Variants in IQSEC1 observed in about 807,000 individuals in gnomAD.
The protein encoded by IQSEC1 is IQ motif and Sec7 domain ArfGEF 1.
IQSEC1 carries 31 observed loss-of-function variants against 91.0 expected under a neutral mutation model. The ratio of observed to expected loss-of-function variants is 0.34; its 90% CI spans 0.26 to 0.46. The LOEUF (loss-of-function observed/expected upper bound fraction) is 0.46, where lower values mean the gene tolerates loss of function less well. Among genes scored for constraint, IQSEC1 ranks in the 20% least tolerant of loss-of-function variants. IQSEC1 has a pLI of 1.00. For missense variants in IQSEC1, 1,388 were observed against 1,575.6 expected, an observed-to-expected ratio of 0.88 and a Z score of 2.02; for synonymous variants, 699 against 662.6, an observed-to-expected ratio of 1.05 and a Z score of -0.84.
chr3:13,224,427 C>A (rs528796008), intron 1 of IQSEC1, among the ~76,000 whole-genome samples: 1 of 152,216 alleles, frequency 6.6e-6, no homozygotes, highest in East Asian at 1.9e-4. Context: ...CCAGCCCAGG[C>A]AGGGACCGCC....
chr3:13,079,292 C>T (rs563842214), intron 2 of IQSEC1, among the ~76,000 whole-genome samples: 6 of 152,380 alleles, frequency 3.9e-5, no homozygotes, highest in African/African-American at 9.6e-5. Flanking sequence ...GTCCTGCATC[C>T]GTAAGTGCTG....
chr3:13,142,846 C>T (rs982395072), intron 2 of IQSEC1, among the ~76,000 whole-genome samples: 2 of 152,216 alleles, frequency 1.3e-5, no homozygotes, highest in Non-Finnish European at 2.9e-5. Context: ...AAAGCCCGAA[C>T]TGTTTACCAT....
At chr3:13,206,947 A>C (rs1311754497) in intron 1 of IQSEC1, among the ~76,000 whole-genome samples, 1 of 152,120 alleles carries the variant, frequency 6.6e-6, no homozygotes, top group East Asian at 1.9e-4. Flanking sequence ...AAGCAGCCTC[A>C]GGTCAGGGCC....
At chr3:12,902,909 C>G in intron 12 of IQSEC1, 87 bp from the exon 13 acceptor site, 2 of 985,526 alleles carry the variant, frequency 2.0e-6, no homozygotes, top group South Asian at 2.6e-5. Flanking sequence ...TGCCACGGAG[C>G]CTGCACCCCT....
chr3:12,897,933 TAAA>T lies in IQSEC1; in HGVS notation c.*3047_*3049del, dbSNP rs576931892. 3 of 152,236 alleles carry T rather than the reference TAAA, an allele frequency of 2.0e-5. No homozygotes were observed. The East Asian group carries it at 5.8e-4, about 29-fold the overall frequency. 9.4% of individuals were successfully genotyped at this position (152,236 alleles called of 1,614,324 possible). Reference sequence around the variant, plus strand: ...TTGTTGTACAATTCATTGGTAAACTTAAAAAAATACAAATACATGATTTGATTG... The same window carrying T: ...TTGTTGTACAATTCATTGGTAAACTTAAAATACAAATACATGATTTGATTG... On this transcript the variant is annotated 3_prime_UTR_variant, in exon 14 of 14. Coordinates refer to ENST00000613206, the MANE Select transcript of IQSEC1 (RefSeq NM_001134382.3).
chr3:13,026,398 C>T (rs961254475), intron 1 of IQSEC1, among the ~76,000 whole-genome samples: 8 of 152,194 alleles, frequency 5.3e-5, no homozygotes, highest in African/African-American at 1.9e-4. Context: ...TACCAGGACC[C>T]AATGCTCAAG....
rs1219925975 is a variant in IQSEC1, at chr3:12,936,167, C to T, written c.849G>A (p.Thr283=). The T allele has an allele frequency of 7.4e-6, 12 of 1,612,680 alleles. No individual in the cohort carries two copies. The highest frequency in any genetic ancestry group is 1.1e-5 in the South Asian group (1 of 91,086). ...GMDHRKLDEM[T]ASYSDVTLYI... is the part of the protein sequence containing the mutation. ...ACAGGGTGACATCACTGTACGAGGCCGTCATCTCGTCCAGTTTGCGGTGGT... is the reference window on the plus strand; with the variant it reads ...ACAGGGTGACATCACTGTACGAGGCTGTCATCTCGTCCAGTTTGCGGTGGT... Residue 283 remains threonine, a synonymous_variant, in exon 3 of 14, where the codon ACG becomes ACA. Transcript: ENST00000613206.
chr3:12,917,758 A>G (rs543583062), intron 6 of IQSEC1, among the ~76,000 whole-genome samples: 1 of 152,228 alleles, frequency 6.6e-6, no homozygotes, highest in Non-Finnish European at 1.5e-5. Context: ...GGTAAATATC[A>G]AGGAGCACAA....
At chr3:13,278,972 G>A (rs1695741593) in intron 1 of IQSEC1, among the ~76,000 whole-genome samples, 1 of 152,158 alleles carries the variant, frequency 6.6e-6, no homozygotes, top group African/African-American at 2.4e-5. Flanking sequence ...TAAAATGGGA[G>A]CAGCAGCTGC....
chr3:12,902,900 G>T, intron 12 of IQSEC1, 78 bp from the exon 13 acceptor site: 1 of 1,076,796 alleles, frequency 9.3e-7, no homozygotes, highest in Non-Finnish European at 1.4e-6. Context: ...CCACGCTGCT[G>T]CCACGGAGCC....
At position 12,941,870 on chromosome 3, in the gene IQSEC1, AGAG is replaced by A. The variant is rs1449780474; in HGVS notation, c.24-8_24-6del. 2 of 1,574,036 alleles carry A rather than the reference AGAG, an allele frequency of 1.3e-6. No homozygotes were observed. The highest frequency in any genetic ancestry group is 1.8e-5 in the Admixed American group (1 of 54,522). Reference sequence around the variant, plus strand: ...CTGGGGGCCTCGCCCTCGACGCTGCAGAGGAGAGAGAGGTGAGAAGCTTCTGGT... The same window carrying A: ...CTGGGGGCCTCGCCCTCGACGCTGCAGAGAGAGAGGTGAGAAGCTTCTGGT... On this transcript the variant is annotated splice_region_variant and splice_polypyrimidine_tract_variant and intron_variant, in intron 1 of 13. Transcript: ENST00000613206.
intron 1 of IQSEC1, among the ~76,000 whole-genome samples, chr3:12,984,548 A>T (rs1701629147): frequency 6.6e-6 from 1 of 152,188 alleles, no homozygotes; most frequent in Non-Finnish European, 1.5e-5. Flanking sequence ...CACCCTCCCA[A>T]GACCAACAGT....
chr3:12,965,764 G>GCT (rs1700522195), intron 1 of IQSEC1, among the ~76,000 whole-genome samples: 1 of 152,198 alleles, frequency 6.6e-6, no homozygotes, highest in African/African-American at 2.4e-5. Flanking sequence ...CAACTGGAAT[G>GCT]GTCCTAATGG....
At position 13,068,589 on chromosome 3, in the gene IQSEC1, T is replaced by C. The variant is rs147709682; in HGVS notation, c.23+4403A>G. Reference sequence around the variant, plus strand: ...TTAGCTTCCAGCATGACGATGTGACTCTTTACTCCAGGGCCTCCATGAACA... The same window carrying C: ...TTAGCTTCCAGCATGACGATGTGACCCTTTACTCCAGGGCCTCCATGAACA... On this transcript the variant is annotated intron_variant, in intron 1 of 13. Transcript: ENST00000613206. Among the ~76,000 whole-genome samples the C allele has an allele frequency of 4.1e-3, 617 of 152,220 alleles. 3 individuals carry two copies. The highest frequency in any genetic ancestry group is 0.032 in the South Asian group (155 of 4,820).
chr3:13,244,258 T>G (rs1695071144), intron 1 of IQSEC1, among the ~76,000 whole-genome samples: 1 of 152,218 alleles, frequency 6.6e-6, no homozygotes, highest in Non-Finnish European at 1.5e-5. Context: ...AGCAGTGCGA[T>G]CTCAGCTTAC....
At chr3:12,958,531 A>G (rs186095621) in intron 1 of IQSEC1, among the ~76,000 whole-genome samples, 1 of 152,374 alleles carries the variant, frequency 6.6e-6, no homozygotes, top group East Asian at 1.9e-4. Context: ...AGCAGAGAGT[A>G]GCTGCTGCCA....
At position 12,992,250 on chromosome 3, in the gene IQSEC1, C is replaced by T. The variant is rs1262569843; in HGVS notation, c.24-50385G>A. Reference sequence around the variant, plus strand: ...CATCTCTAACACAGTAGGGTGGCTCCGGGATGCTCCCTCCGGCACTGATGC... The same window carrying T: ...CATCTCTAACACAGTAGGGTGGCTCTGGGATGCTCCCTCCGGCACTGATGC... On this transcript the variant is annotated intron_variant, in intron 1 of 13. Transcript: ENST00000613206. This position sits in a 1 kb window ranked among gnomAD's most constrained non-coding sequence, Gnocchi z 4.1. Among the ~76,000 whole-genome samples, 2 of 150,660 alleles carry T rather than the reference C, an allele frequency of 1.3e-5. No individual in the cohort carries two copies. Among genetic ancestry groups the T allele is most frequent in the Non-Finnish European group, 2.9e-5 (2 of 67,920 alleles).
chr3:12,931,913 A>G (rs1697710858), intron 3 of IQSEC1, among the ~76,000 whole-genome samples: 1 of 152,178 alleles, frequency 6.6e-6, no homozygotes, highest in Non-Finnish European at 1.5e-5. Flanking sequence ...CCACACTGTC[A>G]CACCAGGTGG....
chr3:13,080,979 T>G (rs1324427368), intron 2 of IQSEC1, among the ~76,000 whole-genome samples: 1 of 152,258 alleles, frequency 6.6e-6, no homozygotes, highest in Non-Finnish European at 1.5e-5. Context: ...CAAACAAATG[T>G]TAAGGTAAAT....
Sources: allele counts gnomAD v4.1 joint callset (sites outside exome capture counted in the v4.1 genomes callset), GRCh38; gene constraint gnomAD v4.1.1; non-coding constraint Gnocchi (gnomAD v3.1); transcripts MANE v1.5; gene names NCBI Gene and HGNC (gene_info 2026-07-23, HGNC 2026-07-21).